Variants in TMTC2 observed in about 807,000 individuals in gnomAD.
The protein encoded by TMTC2 is transmembrane O-mannosyltransferase targeting cadherins 2, also known as protein O-mannosyl-transferase TMTC2.
TMTC2 carries 43 observed loss-of-function variants against 82.4 expected under a neutral mutation model. The observed-to-expected ratio is 0.52, with a 90% CI of 0.41 to 0.67. The LOEUF is 0.67. TMTC2 is among the 30% of genes least tolerant of loss of function. The probability of loss-of-function intolerance (pLI) is 0.00; values close to 1 mark genes in which losing one functional copy is unlikely to be tolerated. For synonymous variants in TMTC2, 408 were observed against 381.9 expected (o/e 1.07, Z -0.80); for missense variants, 919 against 1,012.4 (o/e 0.91, Z 1.25).
intron 8 of TMTC2, 151 bp from the exon 9 acceptor site, chr12:83,030,647 T>C: frequency 1.9e-6 from 1 of 519,340 alleles, no homozygotes; most frequent in Non-Finnish European, 3.5e-6. Flanking sequence ...ACTTTTTCCT[T>C]GATCATCCTC....
intron 3 of TMTC2, among the ~76,000 whole-genome samples, chr12:82,928,533 C>T (rs1016987718): frequency 6.6e-6 from 1 of 152,048 alleles, no homozygotes; most frequent in African/African-American, 2.4e-5. Flanking sequence ...TTAAAGGATA[C>T]AATTTTCTAT....
chr12:82,689,465 T>C (rs1872485020), intron 1 of TMTC2, among the ~76,000 whole-genome samples: 1 of 152,208 alleles, frequency 6.6e-6, no homozygotes. Context: ...CTTATTATAA[T>C]AATGCAACTT....
chr12:83,114,722 A>C (rs1398306128), intron 11 of TMTC2, among the ~76,000 whole-genome samples: 1 of 152,140 alleles, frequency 6.6e-6, no homozygotes, highest in East Asian at 1.9e-4. Context: ...TAGGTTAAAA[A>C]CATTCTTCTG....
chr12:82,857,626 C>T (rs749489673), intron 2 of TMTC2, 46 bp downstream of exon 2: 19 of 1,484,266 alleles, frequency 1.3e-5, no homozygotes, highest in South Asian at 6.6e-5. Flanking sequence ...GAGTAATCTA[C>T]TTGCTTACTC....
chr12:82,963,070 A>G (rs970565137), intron 4 of TMTC2, among the ~76,000 whole-genome samples: 15 of 151,922 alleles, frequency 9.9e-5, no homozygotes, highest in Non-Finnish European at 4.4e-5. Flanking sequence ...TTAATAGGAC[A>G]TTTCAGGGGA....
intron 11 of TMTC2, among the ~76,000 whole-genome samples, chr12:83,083,135 C>T (rs1883530277): frequency 6.6e-6 from 1 of 152,096 alleles, no homozygotes; most frequent in Non-Finnish European, 1.5e-5. Context: ...TAGAATGCTG[C>T]CTGGCCCATA....
At chr12:83,011,743 C>T (rs1373456726) in intron 8 of TMTC2, among the ~76,000 whole-genome samples, 2 of 152,182 alleles carry the variant, frequency 1.3e-5, no homozygotes, top group Non-Finnish European at 2.9e-5. Context: ...AAAACACTTT[C>T]TCTTTCATAA....
chr12:83,048,834 A>G (rs11835520), intron 9 of TMTC2, among the ~76,000 whole-genome samples: 2,047 of 152,094 alleles, frequency 0.013, 51 homozygotes, highest in African/African-American at 0.047. Context: ...GTGCCTGGCT[A>G]ATTTTTGTAT....
intron 1 of TMTC2, among the ~76,000 whole-genome samples, chr12:82,778,063 CT>C (rs11316438): frequency 0.12 from 17,757 of 152,094 alleles, 1,126 homozygotes; most frequent in Middle Eastern, 0.2. Context: ...AAAGATTACT[CT>C]TCGCATTGTA....
intron 1 of TMTC2, among the ~76,000 whole-genome samples, chr12:82,690,704 C>T (rs114561113): frequency 3.1e-4 from 47 of 152,110 alleles, no homozygotes; most frequent in African/African-American, 1.1e-3. Flanking sequence ...CTTCATCCTC[C>T]CTCCCCTTGC....
At chr12:82,925,652 A>G (rs1469257438) in intron 3 of TMTC2, among the ~76,000 whole-genome samples, 2 of 152,316 alleles carry the variant, frequency 1.3e-5, no homozygotes, top group East Asian at 1.9e-4. Flanking sequence ...TAATTATTAT[A>G]TCTGTTATGG....
intron 11 of TMTC2, among the ~76,000 whole-genome samples, chr12:83,073,769 T>C (rs1883193091): frequency 6.6e-6 from 1 of 152,194 alleles, no homozygotes; most frequent in African/African-American, 2.4e-5. Flanking sequence ...ATTTTATTGC[T>C]GAGAATTTCC....
rs1220342478 is a variant in TMTC2 at position 82,961,070 on chromosome 12, G to T, written c.1599-3954G>T. Among the ~76,000 whole-genome samples the T allele has an allele frequency of 2.0e-5, 3 of 151,506 alleles. No homozygotes were observed. In the East Asian group the frequency reaches 5.8e-4, roughly 29 times the overall value. Reference sequence around the variant, plus strand: ...TGTTACTTAACTTTTCTTGCCCAAGGTTCGTTATGTGCAAAATGAAGAAAG... The same window carrying T: ...TGTTACTTAACTTTTCTTGCCCAAGTTTCGTTATGTGCAAAATGAAGAAAG... On this transcript the variant is annotated intron_variant, in intron 4 of 11. Coordinates refer to ENST00000321196, the MANE Select transcript of TMTC2 (RefSeq NM_152588.3).
At chr12:82,705,767 C>T (rs556929299) in intron 1 of TMTC2, among the ~76,000 whole-genome samples, 4 of 152,154 alleles carry the variant, frequency 2.6e-5, no homozygotes, top group African/African-American at 7.2e-5. Flanking sequence ...AATGCTTAGC[C>T]GTGTTAGGGA....
chr12:82,806,555 A>G (rs180679438), intron 1 of TMTC2, among the ~76,000 whole-genome samples: 125 of 152,314 alleles, frequency 8.2e-4, no homozygotes, highest in African/African-American at 2.9e-3. Context: ...AAATGTGCAT[A>G]TAATTTTTGA....
intron 11 of TMTC2, among the ~76,000 whole-genome samples, chr12:83,072,727 A>G (rs1196878330): frequency 2.6e-5 from 4 of 152,142 alleles, no homozygotes; most frequent in Non-Finnish European, 5.9e-5. Flanking sequence ...TTCCTGGTGG[A>G]CAAGGCCTTT....
chr12:83,048,240 A>G (rs1309501700), intron 9 of TMTC2, among the ~76,000 whole-genome samples: 1 of 152,182 alleles, frequency 6.6e-6, no homozygotes, highest in Non-Finnish European at 1.5e-5. Context: ...TGAGGAGATA[A>G]GAATATTTCA....
At chr12:82,845,316 T>A (rs1344667807) in intron 1 of TMTC2, among the ~76,000 whole-genome samples, 3 of 133,278 alleles carry the variant, frequency 2.3e-5, no homozygotes, top group Non-Finnish European at 4.7e-5. Context: ...ATACCACAAA[T>A]CCTCAAGACC....
chr12:83,112,235 A>G (rs534797914), intron 11 of TMTC2, among the ~76,000 whole-genome samples: 11 of 152,290 alleles, frequency 7.2e-5, no homozygotes, highest in South Asian at 4.1e-4. Flanking sequence ...AGGTACCTCA[A>G]TGTATCAATC....
Sources: allele counts gnomAD v4.1 joint callset (sites outside exome capture counted in the v4.1 genomes callset), GRCh38; gene constraint gnomAD v4.1.1; transcripts MANE v1.5; gene names NCBI Gene and HGNC (gene_info 2026-07-23, HGNC 2026-07-21).